IFT140: variants seen among roughly 807,000 people sequenced by gnomAD.
IFT140 encodes the protein intraflagellar transport protein 140 homolog.
A neutral mutation model predicts 164.6 loss-of-function variants in IFT140; 133 were observed. That is an observed-to-expected ratio of 0.81 (90% CI 0.70 to 0.93). IFT140 has a LOEUF of 0.93. Among genes scored for constraint, IFT140 ranks in the 40% least tolerant of loss-of-function variants. The pLI is 0.00. For synonymous variants in IFT140, 860 were observed against 817.3 expected (o/e 1.05, Z -0.89); for missense variants, 2,045 against 1,972.3 (o/e 1.04, Z -0.70).
chr16:1,600,818 C>T (rs967961884), intron 4 of IFT140, among the ~76,000 whole-genome samples: 12 of 150,084 alleles, frequency 8.0e-5, no homozygotes, highest in African/African-American at 2.9e-4. Flanking sequence ...TATGAGGAGA[C>T]AAACACAGCC....
chr16:1,545,508 A>T (rs1030872732), intron 19 of IFT140, among the ~76,000 whole-genome samples: 11 of 151,936 alleles, frequency 7.2e-5, no homozygotes, highest in African/African-American at 2.7e-4. Flanking sequence ...CTAATTTTAG[A>T]GTCGGGTTTT....
chr16:1,552,113 C>A (rs2281232), intron 19 of IFT140, among the ~76,000 whole-genome samples: 12,588 of 152,242 alleles, frequency 0.083, 634 homozygotes, highest in African/African-American at 0.13. Flanking sequence ...ATGTGTGGAA[C>A]TAGAGGCCCC....
chr16:1,518,486 A>C (rs2040429344), intron 29 of IFT140, 129 bp from the exon 30 acceptor site: 1 of 834,662 alleles, frequency 1.2e-6, no homozygotes, highest in South Asian at 2.0e-5. Context: ...CTATGAAGTT[A>C]AATTCATTAA....
At chr16:1,519,000 C>T (rs762607080) in intron 29 of IFT140, among the ~76,000 whole-genome samples, 3 of 152,132 alleles carry the variant, frequency 2.0e-5, no homozygotes, top group Non-Finnish European at 4.4e-5. Context: ...GACCCCTGGC[C>T]CATAGAAGGT....
rs759513974 is a variant in IFT140, at chr16:1,561,980, C to T, written c.2199+5G>A. ...GACACCTGTGCGGATGTCGTGGCTT[C>T]GTACCTTTCTTGTGAAGTAGTAATA... On this transcript the variant is annotated splice_donor_5th_base_variant and intron_variant, in intron 18 of 30. Transcript: ENST00000426508. 11 of 1,596,092 alleles carry T rather than the reference C, an allele frequency of 6.9e-6. No homozygotes were observed. The highest frequency in any genetic ancestry group is 2.3e-5 in the South Asian group (2 of 87,290).
chr16:1,568,408 T>G, intron 14 of IFT140, 74 bp from the exon 15 acceptor site: 1 of 1,198,758 alleles, frequency 8.3e-7, no homozygotes, highest in Non-Finnish European at 1.2e-6. Flanking sequence ...CTGAAACCTC[T>G]GTTCACCGGA....
rs925434177 is a variant in IFT140, at chr16:1,564,749, C to T, written c.1902-587G>A. Among the ~76,000 whole-genome samples, 3 of 152,322 alleles carry T rather than the reference C, an allele frequency of 2.0e-5. No homozygotes were observed. Among genetic ancestry groups the T allele is most frequent in the South Asian group, 4.1e-4 (2 of 4,828 alleles). The stretch of plus-strand genomic sequence containing the variant: ...GGTGAGGAGGCCTATGAGCCTCATT[C>T]GCCGCCCCCAGGGTGTCACGAACCC... On this transcript the variant is annotated intron_variant, in intron 16 of 30. Coordinates refer to ENST00000426508, the MANE Select transcript of IFT140 (RefSeq NM_014714.4). This position sits in a 1 kb window ranked among gnomAD's most constrained non-coding sequence, Gnocchi z 5.5.
intron 19 of IFT140, among the ~76,000 whole-genome samples, chr16:1,535,708 A>G (rs2030994022): frequency 6.6e-6 from 1 of 152,246 alleles, no homozygotes; most frequent in Non-Finnish European, 1.5e-5. Flanking sequence ...TGTGGCTTGG[A>G]CAAGGTCCCA....
At chr16:1,604,676 A>G (rs1264580096) in intron 3 of IFT140, among the ~76,000 whole-genome samples, 2 of 152,120 alleles carry the variant, frequency 1.3e-5, no homozygotes, top group East Asian at 3.9e-4. Flanking sequence ...CACAGCTGCC[A>G]CAGTAGGAAG....
chr16:1,564,688 C>T lies in IFT140; in HGVS notation c.1902-526G>A, dbSNP rs541650110. ...GGAAACACAATGATGTGCCGGCAGA[C>T]GACACACAAGGTTTCAAGAGAGAGC... On this transcript the variant is annotated intron_variant, in intron 16 of 30. Transcript: ENST00000426508. The surrounding 1 kb of genome is among the most constrained non-coding windows in gnomAD (Gnocchi z 5.5). Among the ~76,000 whole-genome samples, 261 of 152,286 alleles carry T rather than the reference C, an allele frequency of 1.7e-3. 2 individuals carry two copies. The highest frequency in any genetic ancestry group is 6.0e-3 in the African/African-American group (248 of 41,544).
At chr16:1,591,386 G>C (rs1164280221) in intron 6 of IFT140, among the ~76,000 whole-genome samples, 1 of 152,150 alleles carries the variant, frequency 6.6e-6, no homozygotes. Context: ...CTTCTAAAAT[G>C]AAAGATTTCC....
chr16:1,565,177 G>T (rs2033642683), intron 16 of IFT140, among the ~76,000 whole-genome samples: 1 of 152,206 alleles, frequency 6.6e-6, no homozygotes, highest in Admixed American at 6.5e-5. Flanking sequence ...AGACATTTTG[G>T]TATGAGAAAC....
At chr16:1,540,389 C>G (rs1179193921) in intron 19 of IFT140, among the ~76,000 whole-genome samples, 1 of 152,254 alleles carries the variant, frequency 6.6e-6, no homozygotes, top group African/African-American at 2.4e-5. Context: ...CCCCCACCAC[C>G]CCTGAGCCTT....
Position 1,538,865 on chromosome 16 carries a change from A to G in IFT140, c.2400-12069T>C, listed in dbSNP as rs544339449. Among the ~76,000 whole-genome samples, 21 of 152,284 alleles carry G rather than the reference A, an allele frequency of 1.4e-4. No individual in the cohort carries two copies. The South Asian group carries it at 4.1e-3, about 30-fold the overall frequency. ...GTGGAGTCCGTTGGAGCAGTCAGGA[A>G]GGTCCTGCCAGTCAGCCAGGGCAGT... is the stretch of plus-strand genomic sequence containing the variant. On this transcript the variant is annotated intron_variant, in intron 19 of 30. Coordinates refer to ENST00000426508, the MANE Select transcript of IFT140 (RefSeq NM_014714.4).
intron 19 of IFT140, among the ~76,000 whole-genome samples, chr16:1,536,117 G>A (rs1478341182): frequency 1.3e-5 from 2 of 152,220 alleles, no homozygotes; most frequent in African/African-American, 2.4e-5. Context: ...GTTCCCAGCC[G>A]GCCCTTGGCC....
chr16:1,528,176 G>C (rs2029930107), intron 19 of IFT140, among the ~76,000 whole-genome samples: 2 of 152,118 alleles, frequency 1.3e-5, no homozygotes, highest in African/African-American at 4.8e-5. Flanking sequence ...CAGGGCTTCA[G>C]ACAAAGGCCC....
intron 19 of IFT140, among the ~76,000 whole-genome samples, chr16:1,548,976 G>A (rs1381406992): frequency 6.6e-6 from 1 of 152,230 alleles, no homozygotes; most frequent in Non-Finnish European, 1.5e-5. Context: ...CTTCGTCAGG[G>A]TAGGATCTGG....
intron 11 of IFT140, among the ~76,000 whole-genome samples, chr16:1,583,601 G>GT (rs778759241): frequency 8.5e-4 from 118 of 138,356 alleles, no homozygotes; most frequent in East Asian, 2.5e-3. Context: ...ATTCTTTTCT[G>GT]TTTTTTTTTT....
At chr16:1,513,915 T>C (rs62012851) in intron 30 of IFT140, among the ~76,000 whole-genome samples, 43,883 of 141,654 alleles carry the variant, frequency 0.31, 8,101 homozygotes, top group African/African-American at 0.49. Context: ...CCTCATGATC[T>C]GCCCGCCTTG....
Sources: gnomAD v4.1 joint callset for allele counts (sites outside exome capture counted in the v4.1 genomes callset) on GRCh38, gnomAD v4.1.1 for gene constraint, Gnocchi (gnomAD v3.1) non-coding constraint, MANE v1.5 for transcripts, NCBI Gene and HGNC (gene_info 2026-07-23, HGNC 2026-07-21) for gene names.